Variants in RTN1 observed in about 807,000 individuals in gnomAD.
RTN1 encodes reticulon-1.
Under a neutral mutation model 65.5 loss-of-function variants are expected in RTN1, and 25 were observed. That is an observed-to-expected ratio of 0.38 (90% confidence interval 0.28 to 0.53). RTN1 has a LOEUF of 0.53. RTN1 is among the 20% of genes least tolerant of loss of function. RTN1 has a pLI of 0.79. For missense variants in RTN1, 983 were observed against 1,025.4 expected (o/e 0.96, Z 0.57); for synonymous variants, 471 against 447.6 (o/e 1.05, Z -0.66).
At chr14:59,657,042 C>T (rs1237344048) in intron 3 of RTN1, among the ~76,000 whole-genome samples, 1 of 152,012 alleles carries the variant, frequency 6.6e-6, no homozygotes, top group Non-Finnish European at 1.5e-5. Context: ...AAAAACAAAA[C>T]CAAAAGATAT....
chr14:59,822,010 G>T (rs1036959847), intron 1 of RTN1, among the ~76,000 whole-genome samples: 1 of 152,162 alleles, frequency 6.6e-6, no homozygotes, highest in African/African-American at 2.4e-5. Context: ...TTTTGTGTCA[G>T]ATTAATGTTG....
At chr14:59,742,507 G>A (rs1324209474) in intron 2 of RTN1, among the ~76,000 whole-genome samples, 1 of 152,122 alleles carries the variant, frequency 6.6e-6, no homozygotes, top group African/African-American at 2.4e-5. Flanking sequence ...AGTAAAAATA[G>A]GTAAGTATGT....
chr14:59,710,891 C>T (rs946855368), intron 3 of RTN1, among the ~76,000 whole-genome samples: 3 of 152,218 alleles, frequency 2.0e-5, no homozygotes, highest in Non-Finnish European at 4.4e-5. Context: ...GCCATTTCTT[C>T]TACCAACCTA....
rs143086239 is a variant in RTN1 at position 59,829,594 on chromosome 14, G to C, written c.241+40796C>G. Among the ~76,000 whole-genome samples, 769 of 152,312 alleles carry C rather than the reference G, an allele frequency of 5.0e-3. 3 individuals are homozygous for C. Among genetic ancestry groups the C allele is most frequent in the South Asian group, 0.023 (112 of 4,820 alleles). On this transcript the variant is annotated intron_variant, in intron 1 of 8. Transcript: ENST00000267484. The surrounding 1 kb of genome is among the most constrained non-coding windows in gnomAD (Gnocchi z 4.3). Reference sequence around the variant, plus strand: ...GATGGCAGACAGCTAGACATAGGTGGAGGGCAGGGCACCAAACAACATTTC... The same window carrying C: ...GATGGCAGACAGCTAGACATAGGTGCAGGGCAGGGCACCAAACAACATTTC...
At chr14:59,672,180 C>T (rs1883520191) in intron 3 of RTN1, among the ~76,000 whole-genome samples, 1 of 152,094 alleles carries the variant, frequency 6.6e-6, no homozygotes, top group Admixed American at 6.6e-5. Context: ...TCTTTGAGCT[C>T]AGGTTTGTCA....
In RTN1 at chr14:59,603,083, A is replaced by G. The variant is rs756165171; in HGVS notation, c.2270T>C (p.Ile757Thr). Reference protein sequence around the residue: ...DQYLGLVRTHINAVVAKIQAK... With the variant: ...DQYLGLVRTHTNAVVAKIQAK... The stretch of plus-strand genomic sequence containing the variant: ...GACTTACTTTGCCACAACAGCATTT[A>G]TGTGAGTCCTCACAAGTCCCAGATA... Residue 757 changes from isoleucine (I) to threonine (T), a missense_variant, in exon 8 of 9, where the codon ATA becomes ACA. Physicochemically the swap from Ile to Thr is moderately conservative, Grantham distance 89. This residue lies in a region of RTN1 where 165 missense variants were observed against 223.6 expected (regional missense o/e 0.74). Coordinates refer to ENST00000267484, the MANE Select transcript of RTN1 (RefSeq NM_021136.3). The G allele has an allele frequency of 6.2e-7, 1 of 1,613,656 alleles. No individual in the cohort carries two copies. The highest frequency in any genetic ancestry group is 1.7e-5 in the Admixed American group (1 of 60,006).
intron 3 of RTN1, among the ~76,000 whole-genome samples, chr14:59,641,838 C>T (rs550669090): frequency 6.6e-6 from 1 of 152,324 alleles, no homozygotes; most frequent in African/African-American, 2.4e-5. Context: ...TTTTATATAT[C>T]ATTGGTGCTA....
chr14:59,783,788 A>AT (rs946786042), intron 1 of RTN1, among the ~76,000 whole-genome samples: 2 of 152,120 alleles, frequency 1.3e-5, no homozygotes, highest in Non-Finnish European at 2.9e-5. Context: ...AACAAAAACA[A>AT]TGAAGGGATG....
intron 1 of RTN1, among the ~76,000 whole-genome samples, chr14:59,861,285 A>G (rs147284321): frequency 1.0e-3 from 153 of 152,034 alleles, no homozygotes; most frequent in African/African-American, 3.4e-3. Flanking sequence ...TATAAGGGGG[A>G]TTTTCCCTGC....
chr14:59,638,248 C>T (rs934678817), intron 3 of RTN1, among the ~76,000 whole-genome samples: 9 of 152,202 alleles, frequency 5.9e-5, no homozygotes, highest in Non-Finnish European at 1.3e-4. Flanking sequence ...AGAAAACATT[C>T]ATTTCCTTGC....
chr14:59,621,192 A>G (rs10148925), intron 3 of RTN1, among the ~76,000 whole-genome samples: 5,547 of 152,314 alleles, frequency 0.036, 147 homozygotes, highest in Middle Eastern at 0.048. Context: ...CCAAGTAAGA[A>G]AAATATAAGT....
chr14:59,624,611 G>A (rs1263442418), intron 3 of RTN1, among the ~76,000 whole-genome samples: 1 of 152,084 alleles, frequency 6.6e-6, no homozygotes, highest in Non-Finnish European at 1.5e-5. Context: ...ACAGGCGTGT[G>A]CCACCACGCC....
chr14:59,617,229 G>A (rs1172270327), intron 3 of RTN1, among the ~76,000 whole-genome samples: 2 of 152,198 alleles, frequency 1.3e-5, no homozygotes, highest in African/African-American at 4.8e-5. Context: ...CAAAGTCCCT[G>A]TACAAGGTTC....
At chr14:59,779,318 G>C (rs1447751549) in intron 1 of RTN1, among the ~76,000 whole-genome samples, 3 of 152,004 alleles carry the variant, frequency 2.0e-5, no homozygotes, top group Non-Finnish European at 4.4e-5. Flanking sequence ...AGAGGTTTGA[G>C]AAGGTAGAAA....
intron 2 of RTN1, among the ~76,000 whole-genome samples, chr14:59,734,402 A>T (rs1354474111): frequency 6.6e-6 from 1 of 152,190 alleles, no homozygotes; most frequent in African/African-American, 2.4e-5. Flanking sequence ...AAATGACAGA[A>T]GTAGGCTTCA....
At chr14:59,758,178 TAGAC>T (rs930723422) in intron 1 of RTN1, among the ~76,000 whole-genome samples, 2 of 152,144 alleles carry the variant, frequency 1.3e-5, no homozygotes, top group African/African-American at 4.8e-5. Flanking sequence ...GTTACCTCCC[TAGAC>T]AGACACTTAC....
At chr14:59,677,654 C>T (rs965844154) in intron 3 of RTN1, among the ~76,000 whole-genome samples, 3 of 152,052 alleles carry the variant, frequency 2.0e-5, no homozygotes, top group East Asian at 1.9e-4. Context: ...AAAGAACAGG[C>T]GTAATTATTT....
intron 1 of RTN1, among the ~76,000 whole-genome samples, chr14:59,767,851 C>T (rs1162743370): frequency 6.6e-6 from 1 of 152,216 alleles, no homozygotes; most frequent in Non-Finnish European, 1.5e-5. Context: ...ACTTGCATAA[C>T]AGCCCTAGCA....
intron 3 of RTN1, among the ~76,000 whole-genome samples, chr14:59,652,072 A>G (rs571508979): frequency 1.2e-4 from 18 of 152,222 alleles, no homozygotes; most frequent in African/African-American, 4.1e-4. Flanking sequence ...CAAGCATATG[A>G]AAAAAAACCT....
Sources: allele counts gnomAD v4.1 joint callset (sites outside exome capture counted in the v4.1 genomes callset), GRCh38; gene constraint gnomAD v4.1.1; regional missense constraint gnomAD v4.1.1; non-coding constraint Gnocchi (gnomAD v3.1); transcripts MANE v1.5; gene names NCBI Gene and HGNC (gene_info 2026-07-23, HGNC 2026-07-21).